The following TIAM2 variants were observed in gnomAD, a reference collection of about 807,000 sequenced individuals.
TIAM2 encodes TIAM Rac1 associated GEF 2.
In TIAM2, 80 loss-of-function variants were observed where a neutral mutation model predicts 152.9. The ratio of observed to expected loss-of-function variants is 0.52; its 90% CI spans 0.44 to 0.63. The LOEUF (loss-of-function observed/expected upper bound fraction) is 0.63. Among genes scored for constraint, TIAM2 ranks in the 30% least tolerant of loss-of-function variants. The probability of loss-of-function intolerance (pLI) is 0.00; values close to 1 mark genes in which losing one functional copy is unlikely to be tolerated. For synonymous variants in TIAM2, 804 were observed against 838.0 expected (o/e 0.96, Z 0.70); for missense variants, 1,965 against 2,120.1 (o/e 0.93, Z 1.44).
At chr6:155,113,349 C>A in intron 2 of TIAM2, among the ~76,000 whole-genome samples, 1 of 152,124 alleles carries the variant, frequency 6.6e-6, no homozygotes, top group East Asian at 1.9e-4. Context: ...TTGCAGCATC[C>A]TTCCCCTCTC....
At chr6:155,150,989 A>G (rs1441950937) in intron 7 of TIAM2, among the ~76,000 whole-genome samples, 1 of 152,178 alleles carries the variant, frequency 6.6e-6, no homozygotes, top group Non-Finnish European at 1.5e-5. Context: ...CACGCTACAC[A>G]CAACTCTTGT....
At chr6:155,055,980 A>G (rs1777441884) in intron 1 of TIAM2, among the ~76,000 whole-genome samples, 1 of 152,050 alleles carries the variant, frequency 6.6e-6, no homozygotes, top group Non-Finnish European at 1.5e-5. Flanking sequence ...CAAAACAACA[A>G]CAACAAAAGA....
chr6:155,197,725 G>A (rs1395738715), intron 14 of TIAM2, among the ~76,000 whole-genome samples: 2 of 151,958 alleles, frequency 1.3e-5, no homozygotes, highest in Non-Finnish European at 2.9e-5. Context: ...CAGAAGGGCC[G>A]ACCAAAAGGG....
At chr6:155,020,045 C>T (rs943110735) in intron 1 of TIAM2, among the ~76,000 whole-genome samples, 3 of 151,354 alleles carry the variant, frequency 2.0e-5, no homozygotes, top group African/African-American at 7.3e-5. Context: ...GAGTGATACT[C>T]CGTCTGCAAA....
chr6:155,016,739 A>T (rs1378743359), intron 1 of TIAM2, among the ~76,000 whole-genome samples: 6 of 151,672 alleles, frequency 4.0e-5, no homozygotes, highest in South Asian at 4.2e-4. Flanking sequence ...CTCTACTAAA[A>T]ATACAAAAAA....
At chr6:155,212,900 G>A (rs910082026) in intron 15 of TIAM2, among the ~76,000 whole-genome samples, 1 of 152,170 alleles carries the variant, frequency 6.6e-6, no homozygotes, top group Non-Finnish European at 1.5e-5. Flanking sequence ...GCTCTAGCAC[G>A]GGCGCCGGTT....
chr6:155,096,244 A>G (rs1031627746), intron 2 of TIAM2, among the ~76,000 whole-genome samples: 1 of 152,224 alleles, frequency 6.6e-6, no homozygotes, highest in Non-Finnish European at 1.5e-5. Flanking sequence ...ATCGATGTAC[A>G]TAGTTCTGGG....
Position 155,034,651 on chromosome 6 carries a change from C to T in TIAM2, c.-209+39159C>T, listed in dbSNP as rs1457384682. On this transcript the variant is annotated intron_variant, in intron 1 of 26. Coordinates refer to ENST00000682666, the MANE Select transcript of TIAM2 (RefSeq NM_012454.4). ...TCAGAAGTGAATGAAGTCTTTTCAC[C>T]TCAGAGTTGCATCTCTCTGTGGAGC... is the stretch of plus-strand genomic sequence containing the variant. 2.6e-5 allele frequency among the ~76,000 whole-genome samples: 4 copies of T among 152,096 alleles called. No homozygotes were observed. In the East Asian group the frequency reaches 5.8e-4, roughly 22 times the overall value.
At chr6:155,248,314 G>T (rs1783454396) in intron 20 of TIAM2, 135 bp downstream of exon 20, 1 of 1,022,994 alleles carries the variant, frequency 9.8e-7, no homozygotes, top group African/African-American at 1.6e-5. Flanking sequence ...TTCTGCGATG[G>T]TTAATCTTAG....
At chr6:155,177,089 G>A in intron 10 of TIAM2, 112 bp downstream of exon 10, 1 of 979,572 alleles carries the variant, frequency 1.0e-6, no homozygotes, top group South Asian at 1.8e-5. Flanking sequence ...CCATGCCAGG[G>A]AACATATTAG....
At chr6:155,229,141 T>C (rs1203606998) in intron 15 of TIAM2, among the ~76,000 whole-genome samples, 1 of 152,136 alleles carries the variant, frequency 6.6e-6, no homozygotes, top group African/African-American at 2.4e-5. Flanking sequence ...ACTCTTCCCA[T>C]AGCCCTCGCC....
intron 2 of TIAM2, among the ~76,000 whole-genome samples, chr6:155,109,379 T>C (rs944518160): frequency 6.6e-6 from 1 of 152,136 alleles, no homozygotes; most frequent in Non-Finnish European, 1.5e-5. Flanking sequence ...TGTTTTGAAA[T>C]TAAGTGTGCC....
chr6:155,058,327 G>T (rs899087128), intron 1 of TIAM2, among the ~76,000 whole-genome samples: 1 of 152,166 alleles, frequency 6.6e-6, no homozygotes, highest in African/African-American at 2.4e-5. Flanking sequence ...CAGAGAATGG[G>T]GTTGGGCATT....
chr6:155,121,941 G>C (rs1408643927), intron 2 of TIAM2: 1 of 152,528 alleles, frequency 6.6e-6, no homozygotes, highest in Non-Finnish European at 1.5e-5. Context: ...CTCCATCTGG[G>C]CAGCCAGCTC....
intron 2 of TIAM2, among the ~76,000 whole-genome samples, chr6:155,122,783 G>A (rs1285069466): frequency 2.6e-5 from 4 of 151,654 alleles, no homozygotes; most frequent in African/African-American, 9.7e-5. Context: ...CTTCACAGGG[G>A]TTGCTGCGGG....
intron 16 of TIAM2, among the ~76,000 whole-genome samples, chr6:155,242,217 C>T (rs1208073936): frequency 6.6e-6 from 1 of 152,260 alleles, no homozygotes; most frequent in Non-Finnish European, 1.5e-5. Flanking sequence ...CAGCACCAGC[C>T]TGTGAGGCAT....
intron 15 of TIAM2, 76 bp from the exon 16 acceptor site, chr6:155,240,454 C>G: frequency 6.8e-7 from 1 of 1,477,668 alleles, no homozygotes; most frequent in South Asian, 1.3e-5. Flanking sequence ...GACGGAGACA[C>G]TTGGTGCCCT....
intron 12 of TIAM2, among the ~76,000 whole-genome samples, chr6:155,180,473 C>T (rs979062170): frequency 5.9e-5 from 9 of 152,116 alleles, no homozygotes; most frequent in South Asian, 2.1e-4. Context: ...TTAAATATAT[C>T]GATACATGAT....
chr6:155,235,980 T>A (rs1178676103), intron 15 of TIAM2, among the ~76,000 whole-genome samples: 1 of 152,152 alleles, frequency 6.6e-6, no homozygotes, highest in Admixed American at 6.5e-5. Context: ...TTTTATACAG[T>A]ATATTCAAGC....
Sources: allele counts gnomAD v4.1 joint callset (sites outside exome capture counted in the v4.1 genomes callset), GRCh38; gene constraint gnomAD v4.1.1; transcripts MANE v1.5; gene names NCBI Gene and HGNC (gene_info 2026-07-23, HGNC 2026-07-21).